Variants in MBD3 observed in about 807,000 individuals in gnomAD.
MBD3 encodes methyl-CpG-binding domain protein 3.
MBD3 carries 13 observed loss-of-function variants against 31.2 expected under a neutral mutation model. The ratio of observed to expected loss-of-function variants is 0.42; its 90% confidence interval spans 0.27 to 0.66. The LOEUF is 0.66. Ranked by LOEUF, MBD3 falls within the 30% of genes least tolerant of loss-of-function variation. The pLI is 0.26. For synonymous variants in MBD3, 223 were observed against 187.4 expected (o/e 1.19, Z -1.55); for missense variants, 440 against 426.5 (o/e 1.03, Z -0.28).
chr19:1,583,385 CA>C (rs1230440461), intron 3 of MBD3: 1 of 30,204 alleles, frequency 3.3e-5, no homozygotes, highest in Admixed American at 5.7e-4. Context: ...GAGACTCTGT[CA>C]CAAAAAAAAA....
Position 1,584,964 on chromosome 19 carries a change from G to A in MBD3, c.270+91C>T, listed in dbSNP as rs555550552. The A allele has an allele frequency of 2.7e-4, 413 of 1,541,398 alleles. 4 individuals are homozygous for A. In the African/African-American group the frequency reaches 5.1e-3, roughly 19 times the overall value. On this transcript the variant is annotated intron_variant, in intron 2 of 6. Transcript: ENST00000434436. ...CGCTGTGACCTCCTGCGCTCAGGAC[G>A]CCGGGCTGTGTCGCCTGCAGCTCAC...
chr19:1,589,757 CAGG>C (rs1290081884), intron 1 of MBD3, among the ~76,000 whole-genome samples: 1 of 151,988 alleles, frequency 6.6e-6, no homozygotes, highest in East Asian at 1.9e-4. Flanking sequence ...CGCTTGAGCC[CAGG>C]AGGTCAAGGA....
At chr19:1,582,522 C>G in intron 4 of MBD3, 100 bp downstream of exon 4, 2 of 1,166,296 alleles carry the variant, frequency 1.7e-6, no homozygotes, top group Non-Finnish European at 2.5e-6. Context: ...GCACCCAAAG[C>G]AGGAACAGCC....
intron 1 of MBD3, among the ~76,000 whole-genome samples, chr19:1,589,198 G>A (rs1181995793): frequency 6.6e-6 from 1 of 151,746 alleles, no homozygotes; most frequent in Non-Finnish European, 1.5e-5. Flanking sequence ...GGGCGTGGTG[G>A]CACATGCCTG....
At chr19:1,584,105 G>A (rs961744995) in intron 3 of MBD3, among the ~76,000 whole-genome samples, 2 of 152,130 alleles carry the variant, frequency 1.3e-5, no homozygotes, top group African/African-American at 2.4e-5. Flanking sequence ...GATTACAGGC[G>A]TGAGTCACCG....
rs1357878340 is a variant in MBD3, at chr19:1,592,592, C to T, written c.40G>A (p.Gly14Ser). ...KRWECPALPQGWEREEVPRRS... is the reference protein window; with the variant it reads ...KRWECPALPQSWEREEVPRRS... ...CTGGGCACTTCTTCCCTCTCCCAGC[C>T]CTGCGGGAGCGCCGGGCACTCCCAC... Residue 14 changes from glycine to serine, a missense_variant, in exon 1 of 7, where the codon GGC becomes AGC. Coordinates refer to ENST00000434436, the MANE Select transcript of MBD3 (RefSeq NM_001281453.2). 2 of 1,416,740 alleles carry T rather than the reference C, an allele frequency of 1.4e-6. No individual in the cohort carries two copies. Among genetic ancestry groups the T allele is most frequent in the South Asian group, 1.2e-5 (1 of 82,450 alleles). 87.8% of individuals were successfully genotyped at this position (1,416,740 alleles called of 1,614,324 possible).
Position 1,584,653 on chromosome 19 carries a change from G to A in MBD3, c.295C>T (p.Leu99=). 6.2e-7 allele frequency: 1 copy of A among 1,613,276 alleles called. No homozygotes were observed. Among genetic ancestry groups the A allele is most frequent in the Non-Finnish European group, 8.5e-7 (1 of 1,179,836 alleles). The part of the protein sequence containing the change: ...VKGKPDLNTA[L]PVRQTASIFK... ...ATGGACGCCGTCTGGCGCACGGGCA[G>A]CGCCGTGTTCAGGTCGGGCTTGCCC... is the stretch of plus-strand genomic sequence containing the variant. The change falls in exon 3 of 7, where the codon CTG becomes TTG. Residue 99 remains leucine (L), a synonymous_variant. Coordinates refer to ENST00000434436, the MANE Select transcript of MBD3 (RefSeq NM_001281453.2).
chr19:1,578,171 G>T lies in MBD3; in HGVS notation c.*6-13C>A. The T allele has an allele frequency of 1.8e-6, 2 of 1,097,792 alleles. No homozygotes were observed. The highest frequency in any genetic ancestry group is 2.6e-6 in the Non-Finnish European group (2 of 765,190). The allele number at this position is 1,097,792 out of a possible 1,614,324, so 68.0% of individuals were successfully genotyped here. On this transcript the variant is annotated splice_polypyrimidine_tract_variant and intron_variant, in intron 6 of 6. Transcript: ENST00000434436. The surrounding 1 kb of genome is among the most constrained non-coding windows in gnomAD (Gnocchi z 6.1). The stretch of plus-strand genomic sequence containing the variant: ...CTCGGCAGGGCCTCTGGAAAGGACA[G>T]GGAGGGCTGGCTTTAGCGACTCCAC...
rs1390331247 is a variant in MBD3 at position 1,578,197 on chromosome 19, G to A, written c.*6-39C>T. 9 of 1,356,386 alleles carry A rather than the reference G, an allele frequency of 6.6e-6. No homozygotes were observed. Among genetic ancestry groups the A allele is most frequent in the Middle Eastern group, 2.6e-4 (1 of 3,798 alleles). The allele number at this position is 1,356,386 out of a possible 1,614,324, so 84.0% of individuals were successfully genotyped here. On this transcript the variant is annotated intron_variant, in intron 6 of 6. Coordinates refer to ENST00000434436, the MANE Select transcript of MBD3 (RefSeq NM_001281453.2). The surrounding 1 kb of genome is among the most constrained non-coding windows in gnomAD (Gnocchi z 6.1). ...GGAGGGCTGGCTTTAGCGACTCCAC[G>A]GGACGGGGACGCTTGGGCTCTTCTA...
At chr19:1,592,482 G>A in intron 1 of MBD3, 40 bp downstream of exon 1, 1 of 1,154,008 alleles carries the variant, frequency 8.7e-7, no homozygotes, top group Non-Finnish European at 1.2e-6. Context: ...CCGCTGGGAG[G>A]AGCCCGTTGA....
At position 1,582,641 on chromosome 19, in the gene MBD3, G is replaced by T. The variant is rs776033453; in HGVS notation, c.480C>A (p.Asp160Glu). The change falls in exon 4 of 7, where the codon GAC becomes GAA. Residue 160 changes from aspartate to glutamate, a missense_variant. Physicochemically the swap from Asp to Glu is conservative, Grantham distance 45. Coordinates refer to ENST00000434436, the MANE Select transcript of MBD3 (RefSeq NM_001281453.2). ...DIAEELVKTM[D>E]LPKGLQGVGP... ...GCTCACCCTGCAGGCCCTTGGGGAGGTCCATGGTCTTGACCAGCTCCTCAG... is the reference window on the plus strand; with the variant it reads ...GCTCACCCTGCAGGCCCTTGGGGAGTTCCATGGTCTTGACCAGCTCCTCAG... 2 of 1,613,924 alleles carry T rather than the reference G, an allele frequency of 1.2e-6. No individual in the cohort carries two copies. Among genetic ancestry groups the T allele is most frequent in the Non-Finnish European group, 1.7e-6 (2 of 1,179,996 alleles).
rs376679987 is a variant in MBD3 at position 1,579,780 on chromosome 19, GTTC to G, written c.678-1245_678-1243del. 3.4e-3 allele frequency among the ~76,000 whole-genome samples: 517 copies of G among 152,202 alleles called. 3 individuals are homozygous for G. The highest frequency in any genetic ancestry group is 0.012 in the African/African-American group (488 of 41,522). On this transcript the variant is annotated intron_variant, in intron 5 of 6. Coordinates refer to ENST00000434436, the MANE Select transcript of MBD3 (RefSeq NM_001281453.2). The stretch of plus-strand genomic sequence containing the variant: ...TCAATGCCCTTTTCTATTTCTATAA[GTTC>G]TTATTTTATTTTTTTAACTCTGTCA...
intron 1 of MBD3, among the ~76,000 whole-genome samples, chr19:1,588,133 C>T (rs1369288397): frequency 3.3e-5 from 5 of 152,174 alleles, no homozygotes; most frequent in Admixed American, 2.6e-4. Flanking sequence ...TCCACCCCTG[C>T]CCCCCAACCC....
chr19:1,581,453 G>C, intron 4 of MBD3, 184 bp from the exon 5 acceptor site: 1 of 678,668 alleles, frequency 1.5e-6, no homozygotes, highest in Non-Finnish European at 2.5e-6. Context: ...AGAAAAAAAA[G>C]CAAGTTAGGC....
At chr19:1,591,287 C>T (rs1404126250) in intron 1 of MBD3, among the ~76,000 whole-genome samples, 2 of 152,172 alleles carry the variant, frequency 1.3e-5, no homozygotes, top group Non-Finnish European at 2.9e-5. Context: ...TCTTGCTGTC[C>T]TCCAACTTTC....
intron 5 of MBD3, among the ~76,000 whole-genome samples, chr19:1,580,705 C>T (rs780851184): frequency 6.6e-6 from 1 of 152,196 alleles, no homozygotes; most frequent in African/African-American, 2.4e-5. Flanking sequence ...CTGTTCGTTC[C>T]GAGGCTCTGC....
rs543620011 is a variant in MBD3 at position 1,585,079 on chromosome 19, G to A, written c.246C>T (p.Arg82=). 3 of 1,612,438 alleles carry A rather than the reference G, an allele frequency of 1.9e-6. No homozygotes were observed. In the Admixed American group the frequency reaches 5.0e-5, roughly 27 times the overall value. Residue 82 remains arginine (R), a synonymous_variant, in exon 2 of 7, where the codon CGC becomes CGT. Coordinates refer to ENST00000434436, the MANE Select transcript of MBD3 (RefSeq NM_001281453.2). This position sits in a 1 kb window ranked among gnomAD's most constrained non-coding sequence, Gnocchi z 4.1. ...CCTTGACCTGGTTGGAGGAGTCGTA[G>A]CGCACGCGCTGGCGGCTCTTGTTCA... ...SKMNKSRQRV[R]YDSSNQVKGK...
chr19:1,578,076 C>CG lies in MBD3; in HGVS notation c.*87dup. On this transcript the variant is annotated 3_prime_UTR_variant, in exon 7 of 7. Coordinates refer to ENST00000434436, the MANE Select transcript of MBD3 (RefSeq NM_001281453.2). The surrounding 1 kb of genome is among the most constrained non-coding windows in gnomAD (Gnocchi z 6.1). ...CCTGGGTGTCTCCAAGGCTGGGCTT[C>CG]GCCGCCGAGCCTGGTTCACGTGGGG... 1.8e-6 allele frequency: 1 copy of CG among 543,446 alleles called. No individual in the cohort carries two copies. The highest frequency in any genetic ancestry group is 7.2e-5 in the East Asian group (1 of 13,930). 33.7% of individuals were successfully genotyped at this position (543,446 alleles called of 1,614,324 possible). A position where few individuals can be genotyped will look rare whatever the true frequency, so the allele number is the denominator to read the frequency against.
In MBD3 at chr19:1,584,815, G is replaced by A. The variant is rs980837503; in HGVS notation, c.271-138C>T. On this transcript the variant is annotated intron_variant, in intron 2 of 6. Transcript: ENST00000434436. ...GCGCCCGCCAGGACCCCCACGGTCC[G>A]GGGAGGCCGCTCCCGCAGGGTCGGT... 8.7e-5 allele frequency: 88 copies of A among 1,016,870 alleles called. 1 individual carries two copies. The highest frequency in any genetic ancestry group is 1.5e-4 in the Admixed American group (4 of 27,486). The allele number at this position is 1,016,870 out of a possible 1,614,324, so 63.0% of individuals were successfully genotyped here. A position where few individuals can be genotyped will look rare whatever the true frequency, so the allele number is the denominator to read the frequency against.
Sources: allele counts gnomAD v4.1 joint callset (sites outside exome capture counted in the v4.1 genomes callset), GRCh38; gene constraint gnomAD v4.1.1; non-coding constraint Gnocchi (gnomAD v3.1); transcripts MANE v1.5; gene names NCBI Gene and HGNC (gene_info 2026-07-23, HGNC 2026-07-21).